Variants in FAM222B observed in about 807,000 individuals in gnomAD.
FAM222B encodes family with sequence similarity 222 member B.
FAM222B carries 12 observed loss-of-function variants against 38.0 expected under a neutral mutation model. The observed-to-expected ratio is 0.32, with a 90% confidence interval of 0.20 to 0.51. The LOEUF is 0.51. FAM222B is among the 20% of genes least tolerant of loss of function. FAM222B has a pLI of 0.97. For missense variants in FAM222B, 716 were observed against 754.2 expected (o/e 0.95, Z 0.59); for synonymous variants, 329 against 317.2 (o/e 1.04, Z -0.40).
intron 2 of FAM222B, among the ~76,000 whole-genome samples, chr17:28,760,094 C>T (rs920078247): frequency 2.0e-5 from 3 of 152,194 alleles, no homozygotes; most frequent in African/African-American, 4.8e-5. Context: ...AGGCCTTCTG[C>T]CAGATGACAG....
chr17:28,841,145 A>G (rs1301621492), intron 1 of FAM222B, among the ~76,000 whole-genome samples: 1 of 151,336 alleles, frequency 6.6e-6, no homozygotes, highest in Non-Finnish European at 1.5e-5. Flanking sequence ...AACTACAAAA[A>G]TTAGCCAGGC....
Position 28,758,102 on chromosome 17 carries a change from CGA to C in FAM222B, c.*166_*167del. 5.0e-6 allele frequency: 3 copies of C among 598,576 alleles called. No individual in the cohort carries two copies. Among genetic ancestry groups the C allele is most frequent in the Non-Finnish European group, 8.3e-6 (3 of 362,604 alleles). The allele number at this position is 598,576 out of a possible 1,614,324, so 37.1% of individuals were successfully genotyped here. On this transcript the variant is annotated 3_prime_UTR_variant, in exon 3 of 3. Transcript: ENST00000581407. ...AACCAAAAGTTGCTGGAGGGGAGGA[CGA>C]GAGGACCCCTTCTGTCCCCACTTAG...
intron 1 of FAM222B, among the ~76,000 whole-genome samples, chr17:28,790,883 A>AAATTTTTTTT (rs1567838640): frequency 6.7e-4 from 6 of 8,904 alleles, no homozygotes; most frequent in African/African-American, 3.2e-3. Flanking sequence ...AAATTGTTTC[A>AAATTTTTTTT]CTTTTTTTTT....
intron 1 of FAM222B, among the ~76,000 whole-genome samples, chr17:28,833,779 C>G (rs1380603995): frequency 6.6e-6 from 1 of 152,114 alleles, no homozygotes; most frequent in Non-Finnish European, 1.5e-5. Context: ...AGCTTGGACT[C>G]ACAGAGTCAT....
At chr17:28,783,421 T>C (rs2036246360) in intron 1 of FAM222B, among the ~76,000 whole-genome samples, 2 of 152,064 alleles carry the variant, frequency 1.3e-5, no homozygotes. Flanking sequence ...GCACACTGAC[T>C]AAATTTGAAT....
intron 1 of FAM222B, among the ~76,000 whole-genome samples, chr17:28,787,824 G>GTATTTT (rs1354963705): frequency 8.2e-6 from 1 of 122,014 alleles, no homozygotes. Flanking sequence ...TAATAAAGTA[G>GTATTTT]TCTTTTTTTT....
At chr17:28,784,490 T>TC (rs2036304686) in intron 1 of FAM222B, among the ~76,000 whole-genome samples, 5 of 24,692 alleles carry the variant, frequency 2.0e-4, no homozygotes, top group Admixed American at 7.6e-4. Flanking sequence ...ATCCCCTCTC[T>TC]TAAAAAAAAA....
intron 1 of FAM222B, among the ~76,000 whole-genome samples, chr17:28,816,515 C>A (rs761175351): frequency 3.2e-4 from 48 of 151,736 alleles, no homozygotes; most frequent in South Asian, 6.3e-4. Context: ...CTTGAGCACC[C>A]TATTTTGCAA....
At chr17:28,795,882 TCTC>T (rs2036917901) in intron 1 of FAM222B, among the ~76,000 whole-genome samples, 2 of 152,330 alleles carry the variant, frequency 1.3e-5, no homozygotes, top group South Asian at 4.1e-4. Flanking sequence ...CTCAGTCTAT[TCTC>T]CTATGATAAG....
intron 1 of FAM222B, among the ~76,000 whole-genome samples, chr17:28,814,780 T>TTC (rs1270709390): frequency 6.7e-6 from 1 of 150,000 alleles, no homozygotes; most frequent in Non-Finnish European, 1.5e-5. Flanking sequence ...CTTTTTTTTT[T>TTC]TTTTTTTTTT....
At chr17:28,764,007 G>A (rs1472569251) in intron 2 of FAM222B, among the ~76,000 whole-genome samples, 1 of 152,088 alleles carries the variant, frequency 6.6e-6, no homozygotes, top group African/African-American at 2.4e-5. Flanking sequence ...ATCTGAAGAT[G>A]GTTTAAGGAC....
At chr17:28,760,754 T>A (rs2035033370) in intron 2 of FAM222B, among the ~76,000 whole-genome samples, 1 of 152,134 alleles carries the variant, frequency 6.6e-6, no homozygotes, top group Admixed American at 6.6e-5. Context: ...GGATCAGCTT[T>A]CCCTTGCATC....
chr17:28,824,736 G>A (rs923379306), intron 1 of FAM222B, among the ~76,000 whole-genome samples: 6 of 151,884 alleles, frequency 4.0e-5, no homozygotes, highest in African/African-American at 1.5e-4. Context: ...CATTTGATTC[G>A]TGCAAAGAGC....
intron 1 of FAM222B, among the ~76,000 whole-genome samples, chr17:28,811,521 T>C (rs992692318): frequency 1.3e-5 from 2 of 152,196 alleles, no homozygotes; most frequent in Admixed American, 6.5e-5. Flanking sequence ...GTTTTGGTTT[T>C]TGACGATAGA....
chr17:28,784,612 G>A (rs1411892004), intron 1 of FAM222B, among the ~76,000 whole-genome samples: 1 of 151,516 alleles, frequency 6.6e-6, no homozygotes, highest in Non-Finnish European at 1.5e-5. Context: ...GCTGAGGTGG[G>A]CGGATCAGGA....
chr17:28,837,088 C>T (rs1269438268), intron 1 of FAM222B, among the ~76,000 whole-genome samples: 17 of 152,210 alleles, frequency 1.1e-4, no homozygotes, highest in Admixed American at 1.1e-3. Context: ...TGCACTCCAG[C>T]CTGGGTGACA....
In FAM222B at chr17:28,759,977, G is replaced by A; in HGVS notation, c.83-101C>T. 8.2e-7 allele frequency: 1 copy of A among 1,216,616 alleles called. No homozygotes were observed. Among genetic ancestry groups the A allele is most frequent in the African/African-American group, 1.5e-5 (1 of 64,896 alleles). The allele number at this position is 1,216,616 out of a possible 1,614,324, so 75.4% of individuals were successfully genotyped here. On this transcript the variant is annotated intron_variant, in intron 2 of 2. Coordinates refer to ENST00000581407, the MANE Select transcript of FAM222B (RefSeq NM_001077498.3). The surrounding 1 kb of genome is among the most constrained non-coding windows in gnomAD (Gnocchi z 4.8). ...ATTCCCCTTTTGAGGGCCTGGGGTG[G>A]GGTGGGGAAATGACTAGATTGTCAT... is the stretch of plus-strand genomic sequence containing the variant.
chr17:28,795,744 T>C (rs1268065476), intron 1 of FAM222B, among the ~76,000 whole-genome samples: 1 of 152,212 alleles, frequency 6.6e-6, no homozygotes, highest in Non-Finnish European at 1.5e-5. Context: ...ACTTTTAAAG[T>C]GTCCAAACCA....
chr17:28,766,881 T>G (rs907837914), intron 1 of FAM222B, 174 bp from the exon 2 acceptor site: 11 of 541,016 alleles, frequency 2.0e-5, no homozygotes, highest in Non-Finnish European at 3.6e-5. Context: ...CAATTTGCTG[T>G]CAAATATCAC....
Sources: gnomAD v4.1 joint callset for allele counts (sites outside exome capture counted in the v4.1 genomes callset) on GRCh38, gnomAD v4.1.1 for gene constraint, Gnocchi (gnomAD v3.1) non-coding constraint, MANE v1.5 for transcripts, NCBI Gene and HGNC (gene_info 2026-07-23, HGNC 2026-07-21) for gene names.